DDX19B: variants seen among roughly 807,000 people sequenced by gnomAD.
DDX19B encodes the protein ATP-dependent RNA helicase DDX19B.
Under a neutral mutation model 58.1 loss-of-function variants are expected in DDX19B, and 27 were observed. The observed-to-expected ratio is 0.46, with a 90% CI of 0.34 to 0.64. The LOEUF (loss-of-function observed/expected upper bound fraction) is 0.64. Ranked by LOEUF, DDX19B falls within the 30% of genes least tolerant of loss-of-function variation. The pLI is 0.01. For missense variants in DDX19B, 399 were observed against 596.5 expected (o/e 0.67, Z 3.45); for synonymous variants, 187 against 214.4 (o/e 0.87, Z 1.12).
rs548328757 is a variant in DDX19B, at chr16:70,306,169, T to C, written c.58-6440T>C. ...TGTTGTTTGTTGTTGTTGTTGTTTT[T>C]GAAATAGAGTCTTACTTTGTCACCC... On this transcript the variant is annotated intron_variant, in intron 1 of 11. Coordinates refer to ENST00000288071, the MANE Select transcript of DDX19B (RefSeq NM_007242.7). Among the ~76,000 whole-genome samples the C allele has an allele frequency of 6.6e-5, 10 of 152,082 alleles. No individual in the cohort carries two copies. In the South Asian group the frequency reaches 2.1e-3, roughly 32 times the overall value.
chr16:70,324,516 T>C, intron 5 of DDX19B, 69 bp from the exon 6 acceptor site: 1 of 1,399,818 alleles, frequency 7.1e-7, no homozygotes, highest in Non-Finnish European at 1.0e-6. Context: ...TTTTTAATAC[T>C]CATTTTTTTA....
chr16:70,303,655 C>G (rs1207707751), intron 1 of DDX19B, among the ~76,000 whole-genome samples: 1 of 151,998 alleles, frequency 6.6e-6, no homozygotes, highest in Non-Finnish European at 1.5e-5. Context: ...CTCTCAGGCT[C>G]ACGCCATTCT....
At chr16:70,295,721 C>T (rs367985362), upstream of DDX19B, among the ~76,000 whole-genome samples, 34 of 152,132 alleles carry the variant, frequency 2.2e-4, no homozygotes, top group South Asian at 4.4e-3. Flanking sequence ...AACATGGAGC[C>T]AAGCACAGCT....
intron 1 of DDX19B, among the ~76,000 whole-genome samples, chr16:70,308,341 A>G (rs944794846): frequency 8.1e-5 from 12 of 147,870 alleles, no homozygotes; most frequent in African/African-American, 3.0e-4. Context: ...GCAACCTCCA[A>G]CTCCCAGGTT....
chr16:70,329,090 G>A (rs1398809156), intron 7 of DDX19B, among the ~76,000 whole-genome samples: 1 of 151,516 alleles, frequency 6.6e-6, no homozygotes, highest in Non-Finnish European at 1.5e-5. Context: ...AGGTGCAGTG[G>A]CAGGTGCCTG....
chr16:70,309,134 C>A (rs1400848063), intron 1 of DDX19B, among the ~76,000 whole-genome samples: 2 of 151,762 alleles, frequency 1.3e-5, no homozygotes, highest in Non-Finnish European at 2.9e-5. Context: ...TAATGTGTTC[C>A]CTTTCTTTTT....
In DDX19B at chr16:70,333,911, C is replaced by T. The variant is rs1963610599; in HGVS notation, c.*329C>T. On this transcript the variant is annotated 3_prime_UTR_variant, in exon 12 of 12. Coordinates refer to ENST00000288071, the MANE Select transcript of DDX19B (RefSeq NM_007242.7). ...ATTACTTGCCCAGGATCTCCTGTGG[C>T]AGCCTCTGCTTGTTCTCTGGCTTGG... 2 of 407,442 alleles carry T rather than the reference C, an allele frequency of 4.9e-6. No homozygotes were observed. Among genetic ancestry groups the T allele is most frequent in the African/African-American group, 2.0e-5 (1 of 49,072 alleles). 25.2% of individuals were successfully genotyped at this position (407,442 alleles called of 1,614,324 possible). A position where few individuals can be genotyped will look rare whatever the true frequency, so the allele number is the denominator to read the frequency against.
At chr16:70,294,491 G>A (rs1961148449), upstream of DDX19B, among the ~76,000 whole-genome samples, 1 of 152,188 alleles carries the variant, frequency 6.6e-6, no homozygotes, top group African/African-American at 2.4e-5. Context: ...TATTTGTTCA[G>A]ATGCAAAATT....
At position 70,334,027 on chromosome 16, in the gene DDX19B, T is replaced by C. The variant is rs1306957034; in HGVS notation, c.*445T>C. The C allele has an allele frequency of 4.7e-6, 1 of 214,914 alleles. No homozygotes were observed. Among genetic ancestry groups the C allele is most frequent in the Admixed American group, 5.3e-5 (1 of 18,890 alleles). 13.3% of individuals were successfully genotyped at this position (214,914 alleles called of 1,614,324 possible). ...AGGGAGGCTTCCAGTAAGATAGGTGTGTAAGCCCAGCCATCATGTTTGGAA... is the reference window on the plus strand; with the variant it reads ...AGGGAGGCTTCCAGTAAGATAGGTGCGTAAGCCCAGCCATCATGTTTGGAA... On this transcript the variant is annotated 3_prime_UTR_variant, in exon 12 of 12. Transcript: ENST00000288071.
intron 1 of DDX19B, among the ~76,000 whole-genome samples, chr16:70,299,820 G>A (rs994205595): frequency 1.3e-4 from 20 of 152,080 alleles, no homozygotes; most frequent in African/African-American, 3.6e-4. Context: ...TACATTCAGA[G>A]CTTCTTTGGC....
rs145643556 is a variant in DDX19B at position 70,325,861 on chromosome 16, C to A, written c.607+173C>A. Among the ~76,000 whole-genome samples the A allele has an allele frequency of 2.0e-5, 3 of 152,278 alleles. No individual in the cohort carries two copies. The East Asian group carries it at 5.8e-4, about 29-fold the overall frequency. ...TTTACATAAATGTATACATTTTTGT[C>A]AAACCATTTGAAAGTAAACTGCAGA... On this transcript the variant is annotated intron_variant, in intron 7 of 11. Transcript: ENST00000288071.
At chr16:70,293,467 C>A (rs1005757537), upstream of DDX19B, among the ~76,000 whole-genome samples, 13 of 149,626 alleles carry the variant, frequency 8.7e-5, 1 homozygote, top group East Asian at 1.4e-3. Flanking sequence ...AAAAAAAAAA[C>A]TAACATAGCT....
intron 1 of DDX19B, among the ~76,000 whole-genome samples, chr16:70,311,826 GCTTTTCTTTT>G (rs545691530): frequency 1.6e-4 from 25 of 151,858 alleles, no homozygotes; most frequent in South Asian, 2.1e-4. Context: ...ACCCACAGAT[GCTTTTCTTTT>G]CTTTTCTTTT....
upstream of DDX19B, among the ~76,000 whole-genome samples, chr16:70,297,960 C>G (rs369980841): frequency 1.3e-5 from 2 of 152,200 alleles, no homozygotes; most frequent in South Asian, 4.1e-4. Context: ...TTCAAGCGAT[C>G]CTCCCACCTC....
chr16:70,327,589 G>C (rs1963239438), intron 7 of DDX19B, among the ~76,000 whole-genome samples: 1 of 149,694 alleles, frequency 6.7e-6, no homozygotes, highest in Non-Finnish European at 1.5e-5. Context: ...TAAAGACAGT[G>C]TCTTGCTATG....
At chr16:70,293,810 A>G (rs1352927297), upstream of DDX19B, among the ~76,000 whole-genome samples, 1 of 148,518 alleles carries the variant, frequency 6.7e-6, no homozygotes, top group Admixed American at 6.7e-5. Context: ...ACGGGGTTTC[A>G]CCTTGTTAGC....
In DDX19B at chr16:70,299,288, G is replaced by T. The variant is rs751053631; in HGVS notation, c.-10G>T. On this transcript the variant is annotated 5_prime_UTR_variant, in exon 1 of 12. Transcript: ENST00000288071. Reference sequence around the variant, plus strand: ...CCACCAGCACGAGCGTCCCACCCGCGCCTGGGACCATGGCCACTGACTCAT... The same window carrying T: ...CCACCAGCACGAGCGTCCCACCCGCTCCTGGGACCATGGCCACTGACTCAT... The T allele has an allele frequency of 3.2e-6, 5 of 1,582,726 alleles. No homozygotes were observed. The highest frequency in any genetic ancestry group is 4.3e-6 in the Non-Finnish European group (5 of 1,167,482).
At chr16:70,320,531 T>A (rs1341065049) in intron 5 of DDX19B, among the ~76,000 whole-genome samples, 1 of 151,618 alleles carries the variant, frequency 6.6e-6, no homozygotes, top group East Asian at 1.9e-4. Flanking sequence ...CAAGCCACCA[T>A]GCCTGGCTAA....
chr16:70,301,725 G>A (rs1961497379), intron 1 of DDX19B, among the ~76,000 whole-genome samples: 1 of 127,082 alleles, frequency 7.9e-6, no homozygotes, highest in East Asian at 2.2e-4. Flanking sequence ...GACAGTGTCT[G>A]TCTATGTTGC....
Sources: allele counts gnomAD v4.1 joint callset (sites outside exome capture counted in the v4.1 genomes callset), GRCh38; gene constraint gnomAD v4.1.1; transcripts MANE v1.5; gene names NCBI Gene and HGNC (gene_info 2026-07-23, HGNC 2026-07-21).